The following CPVL variants were observed in gnomAD, a reference collection of about 807,000 sequenced individuals.
The protein encoded by CPVL is probable serine carboxypeptidase CPVL.
Under a neutral mutation model 63.7 loss-of-function variants are expected in CPVL, and 51 were observed. The observed-to-expected ratio is 0.80, with a 90% confidence interval of 0.64 to 1.01. CPVL has a LOEUF of 1.01. Among genes scored for constraint, CPVL ranks in the 50% least tolerant of loss-of-function variants. The pLI is 0.00. For synonymous variants in CPVL, 195 were observed against 206.0 expected, an observed-to-expected ratio of 0.95 and a Z score of 0.46; for missense variants, 530 against 573.1, an observed-to-expected ratio of 0.92 and a Z score of 0.77.
intron 2 of CPVL, among the ~76,000 whole-genome samples, chr7:29,117,466 C>T (rs1004813790): frequency 4.6e-5 from 7 of 152,204 alleles, no homozygotes; most frequent in Admixed American, 2.0e-4. Flanking sequence ...AGACCTTTCG[C>T]TATTTACGTA....
chr7:29,048,815 T>C (rs372378941), intron 11 of CPVL, among the ~76,000 whole-genome samples: 6 of 152,144 alleles, frequency 3.9e-5, no homozygotes, highest in Admixed American at 1.3e-4. Context: ...ATTGAAATTA[T>C]ATCAAGCACT....
At chr7:29,070,655 G>T (rs922006396) in intron 9 of CPVL, among the ~76,000 whole-genome samples, 1 of 152,204 alleles carries the variant, frequency 6.6e-6, no homozygotes, top group African/African-American at 2.4e-5. Context: ...CTGACACAGA[G>T]AAAGGAGAGC....
intron 1 of CPVL, among the ~76,000 whole-genome samples, chr7:29,131,521 T>C (rs914836199): frequency 6.6e-6 from 1 of 152,048 alleles, no homozygotes; most frequent in Non-Finnish European, 1.5e-5. Flanking sequence ...CCACTCTTTG[T>C]GTTTTTTTGT....
chr7:29,195,051 C>T (rs1290907993), intron 1 of CPVL: 1 of 1,532,116 alleles, frequency 6.5e-7, no homozygotes, highest in Admixed American at 1.8e-5. Context: ...GCCCTCGCCC[C>T]GCAGCCTGGG....
chr7:29,068,841 C>A (rs1377595382), intron 9 of CPVL, among the ~76,000 whole-genome samples: 3 of 151,654 alleles, frequency 2.0e-5, no homozygotes, highest in African/African-American at 7.2e-5. Context: ...ACTACAGGCG[C>A]CCGCCACTAC....
In CPVL at chr7:29,194,988, C is replaced by T. The variant is rs764852613; in HGVS notation, c.-448+89G>A. On this transcript the variant is annotated intron_variant, in intron 1 of 16. Coordinates refer to the CPVL transcript ENST00000409850. ...AGCCTGTCCGGCTCGTCGGTGTCCT[C>T]CGGTGAGTTTCAGCCCGTCGGGCGC... 8 of 1,587,170 alleles carry T rather than the reference C, an allele frequency of 5.0e-6. No homozygotes were observed. The South Asian group carries it at 8.0e-5, about 16-fold the overall frequency.
chr7:29,098,689 C>A (rs144854502), intron 3 of CPVL, among the ~76,000 whole-genome samples: 18 of 152,302 alleles, frequency 1.2e-4, no homozygotes, highest in Admixed American at 2.6e-4. Context: ...GAATTCAAAT[C>A]TAGGCTTTAC....
chr7:29,095,263 C>A, intron 4 of CPVL, 121 bp from the exon 5 acceptor site: 1 of 755,744 alleles, frequency 1.3e-6, no homozygotes, highest in South Asian at 1.5e-5. Context: ...TACCCTCTAA[C>A]AGTGCTGCAC....
At position 29,105,118 on chromosome 7, in the gene CPVL, A is replaced by G. The variant is rs756812519; in HGVS notation, c.288+7586T>C. Among the ~76,000 whole-genome samples the G allele has an allele frequency of 5.3e-5, 8 of 152,120 alleles. No homozygotes were observed. In the East Asian group the frequency reaches 1.2e-3, roughly 22 times the overall value. ...TTGCACTGCTGGTGGATTTGTATCC[A>G]CCTGTGTTAGATACATTTTGAGATA... On this transcript the variant is annotated intron_variant, in intron 3 of 12. Transcript: ENST00000265394.
intron 3 of CPVL, among the ~76,000 whole-genome samples, chr7:29,100,482 C>G (rs1787006009): frequency 6.6e-6 from 1 of 152,088 alleles, no homozygotes; most frequent in Admixed American, 6.5e-5. Context: ...TCTCAGGCCT[C>G]TGGTCTCCAG....
At position 29,178,563 on chromosome 7, in the gene CPVL, A is replaced by G. The variant is rs79523953; in HGVS notation, c.-11+2727T>C. On this transcript the variant is annotated intron_variant, in intron 5 of 16. Coordinates refer to the CPVL transcript ENST00000409850. ...GAGACGTTGCCTGACATGCTGTTTTATGTTCATCTGAACACATTTTTCAGC... is the reference window on the plus strand; with the variant it reads ...GAGACGTTGCCTGACATGCTGTTTTGTGTTCATCTGAACACATTTTTCAGC... 4.5e-3 allele frequency among the ~76,000 whole-genome samples: 691 copies of G among 152,158 alleles called. 3 individuals are homozygous for G. The highest frequency in any genetic ancestry group is 0.013 in the African/African-American group (521 of 41,502).
intron 11 of CPVL, among the ~76,000 whole-genome samples, chr7:29,048,024 C>T (rs529933837): frequency 3.3e-5 from 5 of 152,302 alleles, no homozygotes; most frequent in South Asian, 2.1e-4. Context: ...GCCACCACTA[C>T]AAGAACTGCT....
intron 11 of CPVL, among the ~76,000 whole-genome samples, chr7:29,046,157 T>C (rs1789590239): frequency 6.6e-6 from 1 of 150,838 alleles, no homozygotes; most frequent in South Asian, 2.1e-4. Flanking sequence ...TGATCGCGGC[T>C]CACTGCAACT....
chr7:29,169,667 C>T (rs1796344275), intron 5 of CPVL, among the ~76,000 whole-genome samples: 1 of 152,050 alleles, frequency 6.6e-6, no homozygotes, highest in East Asian at 1.9e-4. Flanking sequence ...TGGCTGCCAT[C>T]ATGTGCTGCT....
At chr7:29,155,934 A>G (rs1794309016) in intron 5 of CPVL, among the ~76,000 whole-genome samples, 1 of 152,212 alleles carries the variant, frequency 6.6e-6, no homozygotes, top group South Asian at 2.1e-4. Flanking sequence ...CGATAGATCT[A>G]GAGACGGCCA....
At chr7:29,067,914 C>T (rs1218695875) in intron 9 of CPVL, among the ~76,000 whole-genome samples, 1 of 152,146 alleles carries the variant, frequency 6.6e-6, no homozygotes, top group African/African-American at 2.4e-5. Context: ...CACACTGGCT[C>T]CCAGCAGTCA....
At chr7:28,999,421 T>A (rs1327574123) in intron 12 of CPVL, among the ~76,000 whole-genome samples, 3 of 152,232 alleles carry the variant, frequency 2.0e-5, no homozygotes, top group Non-Finnish European at 4.4e-5. Flanking sequence ...TGTTGAGAAT[T>A]TTTTTCTACT....
chr7:29,186,084 G>A (rs929380853), intron 2 of CPVL, among the ~76,000 whole-genome samples: 11 of 152,154 alleles, frequency 7.2e-5, no homozygotes, highest in African/African-American at 2.7e-4. Context: ...TGAACAGGAT[G>A]GAGTTTTTGA....
chr7:29,108,687 C>T (rs976611515), intron 3 of CPVL, among the ~76,000 whole-genome samples: 1 of 152,158 alleles, frequency 6.6e-6, no homozygotes, highest in Non-Finnish European at 1.5e-5. Flanking sequence ...CACTCTAATG[C>T]TTTCCCTTAT....
Sources: allele counts gnomAD v4.1 joint callset (sites outside exome capture counted in the v4.1 genomes callset), GRCh38; gene constraint gnomAD v4.1.1; transcripts MANE v1.5; gene names NCBI Gene and HGNC (gene_info 2026-07-23, HGNC 2026-07-21).